The following IL1RAPL2 variants were observed in gnomAD, a reference collection of about 807,000 sequenced individuals.
The protein encoded by IL1RAPL2 is interleukin 1 receptor accessory protein like 2, also known as X-linked interleukin-1 receptor accessory protein-like 2.
In IL1RAPL2, 3 loss-of-function variants were observed where a neutral mutation model predicts 44.1. The observed-to-expected ratio is 0.07, with a 90% CI of 0.03 to 0.18. The LOEUF (loss-of-function observed/expected upper bound fraction) is 0.18, where lower values mean the gene tolerates loss of function less well. Ranked by LOEUF, IL1RAPL2 falls within the 10% of genes least tolerant of loss-of-function variation. The pLI is 1.00. For synonymous variants in IL1RAPL2, 181 were observed against 178.8 expected (o/e 1.01, Z -0.10); for missense variants, 391 against 496.4 (o/e 0.79, Z 2.02).
At chrX:104,910,881 G>A (rs1389691970) in intron 2 of IL1RAPL2, among the ~76,000 whole-genome samples, 1 of 111,382 alleles carries the variant, frequency 9.0e-6, no homozygotes, top group Non-Finnish European at 1.9e-5. Context: ...CTACTTCTAA[G>A]ACCGTATCAT....
At chrX:105,721,245 G>A (rs1352773094) in intron 7 of IL1RAPL2, among the ~76,000 whole-genome samples, 3 of 110,476 alleles carry the variant, frequency 2.7e-5, no homozygotes, top group Non-Finnish European at 3.8e-5. Flanking sequence ...GTGAAACCCC[G>A]TCTCTACTGA....
At chrX:104,747,333 C>T (rs1932190604) in intron 2 of IL1RAPL2, among the ~76,000 whole-genome samples, 1 of 111,295 alleles carries the variant, frequency 9.0e-6, no homozygotes, top group South Asian at 3.7e-4. Flanking sequence ...TTCCTCCTTC[C>T]CTCCTCCCTT....
intron 2 of IL1RAPL2, among the ~76,000 whole-genome samples, chrX:105,190,058 A>G (rs1403817648): frequency 7.1e-5 from 8 of 112,077 alleles, no homozygotes; most frequent in African/African-American, 2.6e-4. Flanking sequence ...CTTATCAGTA[A>G]AGTGGAAATA....
At chrX:104,721,693 T>A (rs761193956) in intron 2 of IL1RAPL2, among the ~76,000 whole-genome samples, 6 of 110,659 alleles carry the variant, frequency 5.4e-5, no homozygotes, top group South Asian at 3.8e-4. Context: ...AATAAAAATT[T>A]AAAAAAATGC....
intron 6 of IL1RAPL2, among the ~76,000 whole-genome samples, chrX:105,503,907 A>G (rs192068510): frequency 9.0e-6 from 1 of 111,457 alleles, no homozygotes; most frequent in Admixed American, 9.5e-5. Context: ...CTCTTCATGT[A>G]AGGTCACCAA....
At chrX:104,657,109 A>G (rs1261211936) in intron 1 of IL1RAPL2, among the ~76,000 whole-genome samples, 1 of 111,018 alleles carries the variant, frequency 9.0e-6, no homozygotes, top group Non-Finnish European at 1.9e-5. Flanking sequence ...CAGCACACTG[A>G]TTGGTCTTGA....
intron 2 of IL1RAPL2, among the ~76,000 whole-genome samples, chrX:105,060,478 T>C (rs2032057622): frequency 9.0e-6 from 1 of 111,597 alleles, no homozygotes; most frequent in African/African-American, 3.3e-5. Context: ...TATGATCTTC[T>C]TAATGTGTTG....
chrX:104,574,810 T>A (rs1003259482), intron 1 of IL1RAPL2, among the ~76,000 whole-genome samples: 4 of 112,154 alleles, frequency 3.6e-5, no homozygotes, highest in Non-Finnish European at 5.6e-5. Context: ...CACAATTCAA[T>A]TTTTTCACTT....
intron 5 of IL1RAPL2, among the ~76,000 whole-genome samples, chrX:105,385,575 A>C (rs189068689): frequency 7.2e-5 from 8 of 111,502 alleles, no homozygotes; most frequent in African/African-American, 2.3e-4. Context: ...AGTAACAATG[A>C]GAACAGAAAA....
At chrX:105,124,759 G>A (rs1224924261) in intron 2 of IL1RAPL2, among the ~76,000 whole-genome samples, 1 of 110,648 alleles carries the variant, frequency 9.0e-6, no homozygotes, top group Non-Finnish European at 1.9e-5. Context: ...AAGAGAAGGT[G>A]TCTATTTCTG....
chrX:105,530,162 A>G (rs2036623108), intron 6 of IL1RAPL2, among the ~76,000 whole-genome samples: 1 of 112,220 alleles, frequency 8.9e-6, no homozygotes, highest in African/African-American at 3.2e-5. Flanking sequence ...CAGTGGCTGA[A>G]CTGTTATAAT....
intron 2 of IL1RAPL2, among the ~76,000 whole-genome samples, chrX:105,041,420 T>C (rs2031734181): frequency 9.0e-6 from 1 of 110,662 alleles, no homozygotes; most frequent in African/African-American, 3.3e-5. Context: ...CTGAGTTCGA[T>C]TCCTGGGTAT....
At chrX:104,859,355 G>C (rs2105851) in intron 2 of IL1RAPL2, among the ~76,000 whole-genome samples, 40,824 of 110,360 alleles carry the variant, frequency 0.37, 5,909 homozygotes, top group East Asian at 0.46. Flanking sequence ...GCTAAATTGT[G>C]TGCTAAAGCA....
chrX:104,582,811 C>CTT (rs1475726402), intron 1 of IL1RAPL2, among the ~76,000 whole-genome samples: 1 of 30,978 alleles, frequency 3.2e-5, no homozygotes, highest in African/African-American at 1.3e-4. Context: ...CTCTCTTTCT[C>CTT]TCCTTTCTTT....
intron 5 of IL1RAPL2, among the ~76,000 whole-genome samples, chrX:105,270,179 G>T (rs772112136): frequency 9.0e-6 from 1 of 111,414 alleles, no homozygotes; most frequent in Non-Finnish European, 1.9e-5. Flanking sequence ...TTGTCCAGGT[G>T]ATTCTGTTTT....
intron 6 of IL1RAPL2, among the ~76,000 whole-genome samples, chrX:105,693,232 C>G (rs1168307421): frequency 8.9e-6 from 1 of 111,985 alleles, no homozygotes; most frequent in African/African-American, 3.2e-5. Flanking sequence ...AGATAAGGAT[C>G]TTGATATGAT....
intron 5 of IL1RAPL2, among the ~76,000 whole-genome samples, chrX:105,408,181 T>C (rs1360480525): frequency 8.9e-6 from 1 of 112,244 alleles, no homozygotes; most frequent in Non-Finnish European, 1.9e-5. Context: ...ATAAAGGCAT[T>C]TGGCTGGTCC....
intron 2 of IL1RAPL2, among the ~76,000 whole-genome samples, chrX:105,105,515 C>G (rs2032728577): frequency 8.9e-6 from 1 of 112,590 alleles, no homozygotes; most frequent in Non-Finnish European, 1.9e-5. Flanking sequence ...CAGGCAGACA[C>G]TGTTTCTGAC....
intron 2 of IL1RAPL2, among the ~76,000 whole-genome samples, chrX:105,079,608 C>A (rs1441341422): frequency 1.8e-5 from 2 of 108,760 alleles, no homozygotes; most frequent in Non-Finnish European, 3.8e-5. Context: ...CACTGATGGG[C>A]ATTTGGGTTG....
Sources: gnomAD v4.1 joint callset for allele counts (sites outside exome capture counted in the v4.1 genomes callset) on GRCh38, gnomAD v4.1.1 for gene constraint, MANE v1.5 for transcripts, NCBI Gene and HGNC (gene_info 2026-07-23, HGNC 2026-07-21) for gene names.